The following LRGUK variants were observed in gnomAD, a reference collection of about 807,000 sequenced individuals.
The protein encoded by LRGUK is leucine-rich repeat and guanylate kinase domain-containing protein.
In LRGUK, 65 loss-of-function variants were observed where a neutral mutation model predicts 76.0. The ratio of observed to expected loss-of-function variants is 0.85; its 90% CI spans 0.70 to 1.05. The LOEUF (loss-of-function observed/expected upper bound fraction) is 1.05, where lower values mean the gene tolerates loss of function less well. Among genes scored for constraint, LRGUK ranks in the 50% least tolerant of loss-of-function variants. The probability of loss-of-function intolerance (pLI) is 0.00; values close to 1 mark genes in which losing one functional copy is unlikely to be tolerated. For missense variants in LRGUK, 758 were observed against 732.8 expected (o/e 1.03, Z -0.40); for synonymous variants, 268 against 265.6 (o/e 1.01, Z -0.09).
chr7:134,155,675 C>G (rs1173180429), intron 5 of LRGUK, among the ~76,000 whole-genome samples: 1 of 152,130 alleles, frequency 6.6e-6, no homozygotes, highest in African/African-American at 2.4e-5. Flanking sequence ...GGTATCAATG[C>G]TTTATAATTG....
At chr7:134,219,028 G>A (rs1801509418) in intron 15 of LRGUK, among the ~76,000 whole-genome samples, 1 of 152,114 alleles carries the variant, frequency 6.6e-6, no homozygotes, top group Non-Finnish European at 1.5e-5. Context: ...GAAGAACTTG[G>A]TTCTTTTTGT....
intron 18 of LRGUK, among the ~76,000 whole-genome samples, chr7:134,254,096 A>C (rs564383109): frequency 6.6e-6 from 1 of 152,316 alleles, no homozygotes; most frequent in East Asian, 1.9e-4. Context: ...TATAAAAAAT[A>C]ATGTTTAATC....
chr7:134,254,778 C>T (rs1802533524), intron 18 of LRGUK, among the ~76,000 whole-genome samples: 1 of 152,092 alleles, frequency 6.6e-6, no homozygotes, highest in Non-Finnish European at 1.5e-5. Flanking sequence ...TTGGAAATAA[C>T]CTGAATGTCA....
intron 3 of LRGUK, 68 bp from the exon 4 acceptor site, chr7:134,142,994 C>T: frequency 1.2e-6 from 1 of 818,642 alleles, no homozygotes; most frequent in East Asian, 2.5e-5. Context: ...GTCATGTACA[C>T]TGTTTTTAAT....
intron 16 of LRGUK, among the ~76,000 whole-genome samples, chr7:134,243,435 T>C (rs1802214402): frequency 6.6e-6 from 1 of 151,734 alleles, no homozygotes; most frequent in African/African-American, 2.4e-5. Flanking sequence ...GTCAAATGAG[T>C]GAACTCCCAT....
At chr7:134,247,593 G>C in exon 17 of LRGUK, 5 of 1,613,744 alleles carry the variant, frequency 3.1e-6, no homozygotes, top group Non-Finnish European at 4.2e-6. Context: ...GAGGCAGCCC[G>C]GCAAGCTCTA....
At chr7:134,248,953 G>A in exon 18 of LRGUK, 1 of 1,481,848 alleles carries the variant, frequency 6.7e-7, no homozygotes, top group Non-Finnish European at 9.0e-7. Flanking sequence ...CATTCCAGGG[G>A]TCCAGTACCA....
intron 15 of LRGUK, among the ~76,000 whole-genome samples, chr7:134,217,312 G>T (rs558203252): frequency 8.4e-4 from 127 of 151,950 alleles, no homozygotes; most frequent in African/African-American, 2.8e-3. Flanking sequence ...TACTTTATTT[G>T]CTCTTATGAA....
In LRGUK at chr7:134,261,757, C is replaced by T. The variant is rs533238201; in HGVS notation, c.2348-2088C>T. Among the ~76,000 whole-genome samples the T allele has an allele frequency of 1.5e-3, 233 of 152,302 alleles. 1 individual carries two copies. The highest frequency in any genetic ancestry group is 5.4e-3 in the African/African-American group (225 of 41,558). ...AGGACCATATAGTAAATGCTTTTGG[C>T]TTTGTGGGCCATGTGGGCTCTTGTG... On this transcript the variant is annotated intron_variant, in intron 19 of 19. Coordinates refer to the LRGUK transcript ENST00000285928.
downstream of LRGUK, among the ~76,000 whole-genome samples, chr7:134,268,035 T>A (rs1246114047): frequency 6.6e-6 from 1 of 152,108 alleles, no homozygotes; most frequent in Non-Finnish European, 1.5e-5. Context: ...AATGCCTACA[T>A]TAGGCAAGAA....
intron 7 of LRGUK, among the ~76,000 whole-genome samples, chr7:134,168,536 G>T (rs944851937): frequency 1.3e-5 from 2 of 152,120 alleles, no homozygotes; most frequent in Non-Finnish European, 2.9e-5. Context: ...TCTTCCTACA[G>T]GGCAGAGAAG....
chr7:134,207,541 C>T (rs1345009415), intron 15 of LRGUK, among the ~76,000 whole-genome samples: 3 of 152,206 alleles, frequency 2.0e-5, no homozygotes, highest in Non-Finnish European at 2.9e-5. Context: ...CCTGTCCCGC[C>T]CTCTCCCTAG....
intron 18 of LRGUK, 35 bp downstream of exon 18, chr7:134,249,111 AT>A: frequency 6.6e-7 from 1 of 1,525,004 alleles, no homozygotes; most frequent in Non-Finnish European, 8.8e-7. Flanking sequence ...GGAATTGGCT[AT>A]TTTCTGCTGG....
chr7:134,204,667 C>T (rs1411362910), intron 15 of LRGUK, among the ~76,000 whole-genome samples: 4 of 152,118 alleles, frequency 2.6e-5, no homozygotes, highest in African/African-American at 4.8e-5. Context: ...AATAAACTTG[C>T]ACATTGTAGA....
At chr7:134,169,186 A>G (rs564420091) in intron 7 of LRGUK, among the ~76,000 whole-genome samples, 855 of 79,622 alleles carry the variant, frequency 0.011, 11 homozygotes, top group African/African-American at 0.029. Flanking sequence ...ACACACACAC[A>G]CACACACACT....
chr7:134,192,006 G>T (rs998829760), intron 12 of LRGUK, among the ~76,000 whole-genome samples: 1 of 151,874 alleles, frequency 6.6e-6, no homozygotes, highest in Non-Finnish European at 1.5e-5. Context: ...TAAGGAAATA[G>T]AACTAAAGCA....
chr7:134,166,556 T>C (rs1352255355), intron 7 of LRGUK, among the ~76,000 whole-genome samples: 1 of 152,148 alleles, frequency 6.6e-6, no homozygotes, highest in East Asian at 1.9e-4. Flanking sequence ...TCTGAATTTT[T>C]GTGAGGATTC....
intron 11 of LRGUK, among the ~76,000 whole-genome samples, chr7:134,184,926 G>T (rs1202151264): frequency 6.6e-6 from 1 of 152,228 alleles, no homozygotes; most frequent in Non-Finnish European, 1.5e-5. Flanking sequence ...GTGTTGTGAT[G>T]TGTGGTGGGC....
chr7:134,155,124 T>C lies in LRGUK; in HGVS notation c.671-2911T>C, dbSNP rs907764858. Among the ~76,000 whole-genome samples, 5 of 152,316 alleles carry C rather than the reference T, an allele frequency of 3.3e-5. 1 individual carries two copies. In the South Asian group the frequency reaches 1.0e-3, roughly 32 times the overall value. ...ACTTAAACATGATTTCTGTCTCTGC[T>C]AAACTGAGACAGATGGCCATTCGAA... is the stretch of plus-strand genomic sequence containing the variant. On this transcript the variant is annotated intron_variant, in intron 5 of 15. Transcript: ENST00000645682.
Sources: gnomAD v4.1 joint callset for allele counts (sites outside exome capture counted in the v4.1 genomes callset) on GRCh38, gnomAD v4.1.1 for gene constraint, MANE v1.5 for transcripts, NCBI Gene and HGNC (gene_info 2026-07-23, HGNC 2026-07-21) for gene names.